Variants in SMG7 observed in about 807,000 individuals in gnomAD.
The protein encoded by SMG7 is nonsense-mediated mRNA decay factor SMG7.
A neutral mutation model predicts 148.2 loss-of-function variants in SMG7; 34 were observed. That is an observed-to-expected ratio of 0.23 (90% CI 0.17 to 0.31). The LOEUF is 0.31. SMG7 is among the 10% of genes least tolerant of loss of function. SMG7 has a pLI of 1.00. For synonymous variants in SMG7, 492 were observed against 515.1 expected, an observed-to-expected ratio of 0.96 and a Z score of 0.61; for missense variants, 1,114 against 1,408.4, an observed-to-expected ratio of 0.79 and a Z score of 3.35.
chr1:183,492,624 G>A (rs1571816211), intron 1 of SMG7, among the ~76,000 whole-genome samples: 1 of 152,268 alleles, frequency 6.6e-6, no homozygotes, highest in East Asian at 1.9e-4. Context: ...TATAACTATA[G>A]TTCAGTTTGG....
In SMG7 at chr1:183,547,193, C is replaced by T. The variant is rs933052936; in HGVS notation, c.2833C>T (p.Pro945Ser). The T allele has an allele frequency of 2.6e-6, 4 of 1,550,480 alleles. No individual in the cohort carries two copies. Among genetic ancestry groups the T allele is most frequent in the Non-Finnish European group, 8.7e-7 (1 of 1,146,930 alleles). ...EEEELIFSNP[P>S]DLYPALLGPL... ...GGAAGAGCTGATTTTTTCTAACCCT[C>T]CTGATCTTTACCCGGCTCTGCTGGG... The change falls in exon 18 of 23, where the codon CCT (proline) becomes TCT (serine). Residue 945 changes from proline to serine, a missense_variant. This residue lies in a region of SMG7 where 788 missense variants were observed against 894.5 expected (regional missense o/e 0.88). Coordinates refer to ENST00000688051, the MANE Select transcript of SMG7 (RefSeq NM_001375584.1).
intron 10 of SMG7, 129 bp downstream of exon 10, chr1:183,533,961 G>T: frequency 1.5e-6 from 1 of 684,018 alleles, no homozygotes; most frequent in Non-Finnish European, 2.4e-6. Context: ...CGACTCTCGG[G>T]AATTGAACTG....
At chr1:183,541,191 T>A in intron 13 of SMG7, 88 bp downstream of exon 13, 1 of 1,153,946 alleles carries the variant, frequency 8.7e-7, no homozygotes, top group Non-Finnish European at 1.3e-6. Flanking sequence ...CACACACATC[T>A]CATATGTTAC....
intron 11 of SMG7, among the ~76,000 whole-genome samples, chr1:183,537,729 CT>C (rs1668048081): frequency 6.6e-6 from 1 of 152,084 alleles, no homozygotes; most frequent in Non-Finnish European, 1.5e-5. Context: ...TTAGCATTTT[CT>C]TTTGTCATTA....
chr1:183,515,890 A>G lies in SMG7; in HGVS notation c.78A>G (p.Pro26=), dbSNP rs149986769. ...KADMTDSKLG[P]AEVWTSRQAL... Reference sequence around the variant, plus strand: ...GTTACTCAGATTCTAAGCTGGGTCCAGCTGAAGTCTGGACATCCAGGCAGG... The same window carrying G: ...GTTACTCAGATTCTAAGCTGGGTCCGGCTGAAGTCTGGACATCCAGGCAGG... Residue 26 remains proline, a synonymous_variant, in exon 3 of 23, where the codon CCA becomes CCG. Transcript: ENST00000688051. 6.2e-7 allele frequency: 1 copy of G among 1,612,442 alleles called. No homozygotes were observed. The highest frequency in any genetic ancestry group is 8.5e-7 in the Non-Finnish European group (1 of 1,178,832).
At chr1:183,537,549 A>G (rs778397217) in intron 11 of SMG7, among the ~76,000 whole-genome samples, 31 of 152,326 alleles carry the variant, frequency 2.0e-4, no homozygotes, top group South Asian at 6.2e-4. Flanking sequence ...CTCATCGTAG[A>G]AAATTTGGTA....
chr1:183,525,974 T>G (rs2102568701), intron 4 of SMG7, among the ~76,000 whole-genome samples: 1 of 152,198 alleles, frequency 6.6e-6, no homozygotes, highest in Non-Finnish European at 1.5e-5. Context: ...TTTCTTTGCT[T>G]GCTTAATGTG....
chr1:183,477,602 ATATGCATATATACGTG>A, intron 1 of SMG7, among the ~76,000 whole-genome samples: 1 of 130,328 alleles, frequency 7.7e-6, no homozygotes. Context: ...ATATGTGTAT[ATATGCATATATACGTG>A]TGTGCATATG....
Position 183,528,023 on chromosome 1 carries a change from C to T in SMG7, c.552C>T (p.Ser184=). The change falls in exon 6 of 23, where the codon TCC becomes TCT. Residue 184 remains serine (S), a synonymous_variant. Transcript: ENST00000688051. ...GGCATGCAGCTCAGCTTGTCCCCTC[C>T]AATGGTGAGTGGACCTGTCAACCTG... ...YYRHAAQLVP[S]NGQPYNQLAI... is the part of the protein sequence containing the mutation. The T allele has an allele frequency of 2.5e-6, 4 of 1,610,284 alleles. No homozygotes were observed. The highest frequency in any genetic ancestry group is 3.4e-6 in the Non-Finnish European group (4 of 1,176,930).
chr1:183,523,376 AAG>A (rs1161499469), intron 4 of SMG7, among the ~76,000 whole-genome samples: 1 of 152,158 alleles, frequency 6.6e-6, no homozygotes, highest in Non-Finnish European at 1.5e-5. Context: ...GATTGTAAAA[AAG>A]AGAGTTGACA....
chr1:183,547,060 G>T (rs41272540), intron 17 of SMG7, 43 bp from the exon 18 acceptor site: 807 of 1,524,504 alleles, frequency 5.3e-4, no homozygotes, highest in Non-Finnish European at 6.1e-4. Flanking sequence ...TTATGCTTTT[G>T]TTATCCCTTA....
rs1666066199 is a variant in SMG7, at chr1:183,527,380, A to G, written c.485-576A>G. ...TTACTGCTTTTAAGTTTGAAATTTTAGATTTCTTAATATTGTAAGTCAGCG... is the reference window on the plus strand; with the variant it reads ...TTACTGCTTTTAAGTTTGAAATTTTGGATTTCTTAATATTGTAAGTCAGCG... On this transcript the variant is annotated intron_variant, in intron 5 of 22. Transcript: ENST00000688051. The surrounding 1 kb of genome is among the most constrained non-coding windows in gnomAD (Gnocchi z 4.0). Among the ~76,000 whole-genome samples the G allele has an allele frequency of 6.6e-6, 1 of 152,216 alleles. No individual in the cohort carries two copies. Among genetic ancestry groups the G allele is most frequent in the African/African-American group, 2.4e-5 (1 of 41,462 alleles).
rs1360375881 is a variant in SMG7, at chr1:183,538,365, A to G, written c.1235-15A>G. ...TTAATTAAAATGTTTGCAAATTTTG[A>G]TTTTGACCCTTTAGCGACACCACTT... On this transcript the variant is annotated splice_polypyrimidine_tract_variant and intron_variant, in intron 11 of 22. Transcript: ENST00000688051. 2.5e-6 allele frequency: 4 copies of G among 1,606,382 alleles called. No homozygotes were observed. Among genetic ancestry groups the G allele is most frequent in the East Asian group, 2.2e-5 (1 of 44,822 alleles).
intron 1 of SMG7, among the ~76,000 whole-genome samples, chr1:183,509,656 C>T (rs1452139112): frequency 6.6e-6 from 1 of 152,136 alleles, no homozygotes; most frequent in Non-Finnish European, 1.5e-5. Context: ...AAGTAATTAA[C>T]TTGTGCTTCT....
chr1:183,521,858 CAA>C (rs35144368), intron 4 of SMG7, among the ~76,000 whole-genome samples: 36 of 129,104 alleles, frequency 2.8e-4, no homozygotes, highest in Non-Finnish European at 2.9e-4. Flanking sequence ...GACCTTGTCT[CAA>C]AAAAAAAAAA....
Position 183,553,608 on chromosome 1 carries a change from G to GCCCCCCCCCCCCCCCCCCCC in SMG7, c.*1685_*1686insCCCCCCCCCCCCCCCCCCCC, listed in dbSNP as rs3832026. 3 of 128,372 alleles carry GCCCCCCCCCCCCCCCCCCCC rather than the reference G, an allele frequency of 2.3e-5. No individual in the cohort carries two copies. Among genetic ancestry groups the GCCCCCCCCCCCCCCCCCCCC allele is most frequent in the Non-Finnish European group, 3.4e-5 (2 of 59,294 alleles). 8.0% of individuals were successfully genotyped at this position (128,372 alleles called of 1,614,324 possible). A position where few individuals can be genotyped will look rare whatever the true frequency, so the allele number is the denominator to read the frequency against. On this transcript the variant is annotated 3_prime_UTR_variant, in exon 23 of 23. Transcript: ENST00000688051. Reference sequence around the variant, plus strand: ...TTGCTCTTCAGAGAGAGTGGTTGGAGCCCCCCCCGCCCCGTATGCTTACAT... The same window carrying GCCCCCCCCCCCCCCCCCCCC: ...TTGCTCTTCAGAGAGAGTGGTTGGAGCCCCCCCCCCCCCCCCCCCCCCCCCCCCGCCCCGTATGCTTACAT...
At chr1:183,495,573 T>TCAAAAAGG (rs929746722) in intron 1 of SMG7, among the ~76,000 whole-genome samples, 11 of 152,056 alleles carry the variant, frequency 7.2e-5, no homozygotes, top group African/African-American at 2.7e-4. Flanking sequence ...CTTATGCTGT[T>TCAAAAAGG]CAAAAAGGCA....
At chr1:183,477,339 A>C (rs1652484109) in intron 1 of SMG7, among the ~76,000 whole-genome samples, 1 of 152,126 alleles carries the variant, frequency 6.6e-6, no homozygotes, top group Non-Finnish European at 1.5e-5. Flanking sequence ...ATCCACTTGA[A>C]GTGGATTCCT....
chr1:183,530,267 C>G (rs1371566602), intron 8 of SMG7, among the ~76,000 whole-genome samples: 1 of 152,026 alleles, frequency 6.6e-6, no homozygotes, highest in Non-Finnish European at 1.5e-5. Context: ...TTGTGTATAA[C>G]TGCTTCATAG....
Sources: allele counts gnomAD v4.1 joint callset (sites outside exome capture counted in the v4.1 genomes callset), GRCh38; gene constraint gnomAD v4.1.1; regional missense constraint gnomAD v4.1.1; non-coding constraint Gnocchi (gnomAD v3.1); transcripts MANE v1.5; gene names NCBI Gene and HGNC (gene_info 2026-07-23, HGNC 2026-07-21).